Variants in ERCC6 observed in about 807,000 individuals in gnomAD.
ERCC6 encodes the protein ERCC excision repair 6, chromatin remodeling factor.
Under a neutral mutation model 158.7 loss-of-function variants are expected in ERCC6, and 116 were observed. The observed-to-expected ratio is 0.73, with a 90% CI of 0.63 to 0.85. ERCC6 has a LOEUF of 0.85. ERCC6 is among the 40% of genes least tolerant of loss of function. ERCC6 has a pLI of 0.00. For synonymous variants in ERCC6, 678 were observed against 659.3 expected (o/e 1.03, Z -0.43); for missense variants, 1,698 against 1,799.4 (o/e 0.94, Z 1.02).
intron 6 of ERCC6, chr10:49,503,399 A>T (rs1404613324): frequency 5.3e-5 from 8 of 152,050 alleles, no homozygotes; most frequent in Admixed American, 3.9e-4. Context: ...AAATGACATT[A>T]AAAAAAATCT....
At chr10:49,532,194 C>A (rs1409530951) in intron 2 of ERCC6, among the ~76,000 whole-genome samples, 1 of 152,122 alleles carries the variant, frequency 6.6e-6, no homozygotes, top group South Asian at 2.1e-4. Context: ...GTGAAGGGGG[C>A]GCAATGTATT....
At chr10:49,536,563 G>A (rs1358213642) in intron 1 of ERCC6, among the ~76,000 whole-genome samples, 1 of 152,224 alleles carries the variant, frequency 6.6e-6, no homozygotes, top group Non-Finnish European at 1.5e-5. Flanking sequence ...GGCAGTTCCT[G>A]AGTCAGGAGA....
chr10:49,500,107 T>C (rs1851332136), intron 7 of ERCC6, among the ~76,000 whole-genome samples: 1 of 152,228 alleles, frequency 6.6e-6, no homozygotes, highest in South Asian at 2.1e-4. Context: ...CTTACTGTAA[T>C]GCTCACCTGG....
chr10:49,489,585 T>C (rs1851136446), intron 8 of ERCC6, among the ~76,000 whole-genome samples: 1 of 152,190 alleles, frequency 6.6e-6, no homozygotes, highest in African/African-American at 2.4e-5. Context: ...CTCTTATGCA[T>C]CTACATGTCA....
At chr10:49,486,347 TACAA>T (rs1426379105) in intron 8 of ERCC6, among the ~76,000 whole-genome samples, 4 of 152,188 alleles carry the variant, frequency 2.6e-5, no homozygotes, top group Admixed American at 2.6e-4. Context: ...ATTCATTCTT[TACAA>T]ACACTCTATT....
In ERCC6 at chr10:49,457,618, TGA is replaced by T. The variant is rs1850504798; in HGVS notation, c.*1195_*1196del. On this transcript the variant is annotated 3_prime_UTR_variant, in exon 21 of 21. Coordinates refer to ENST00000355832, the MANE Select transcript of ERCC6 (RefSeq NM_000124.4). ...GGAGGGCAGGCATACTACAGAAAAA[TGA>T]GAGAGAGGAAAAGAGCATGCCAGAG... is the stretch of plus-strand genomic sequence containing the variant. 6.6e-6 allele frequency: 1 copy of T among 151,342 alleles called. No individual in the cohort carries two copies. Among genetic ancestry groups the T allele is most frequent in the Non-Finnish European group, 1.5e-5 (1 of 67,868 alleles). The allele number at this position is 151,342 out of a possible 1,614,324, so 9.4% of individuals were successfully genotyped here. A position where few individuals can be genotyped will look rare whatever the true frequency, so the allele number is the denominator to read the frequency against.
intron 18 of ERCC6, among the ~76,000 whole-genome samples, chr10:49,469,440 A>G (rs77275715): frequency 0.01 from 1,560 of 152,342 alleles, 57 homozygotes; most frequent in Admixed American, 0.085. Flanking sequence ...AAAAATGTTA[A>G]TAACTTAGAT....
rs146540023 is a variant in ERCC6 at position 49,470,473 on chromosome 10, C to A, written c.3487G>T (p.Ala1163Ser). ...LSYKRERPSQ[A>S]QTEAFWENKQ... Reference sequence around the variant, plus strand: ...TTCTCCCAAAAAGCTTCTGTTTGAGCCTGGCTGGGTCTTTCTCTTTTGTAA... The same window carrying A: ...TTCTCCCAAAAAGCTTCTGTTTGAGACTGGCTGGGTCTTTCTCTTTTGTAA... Residue 1163 changes from alanine to serine, a missense_variant, in exon 18 of 21, where the codon GCT becomes TCT. Coordinates refer to ENST00000355832, the MANE Select transcript of ERCC6 (RefSeq NM_000124.4). 7 of 1,614,118 alleles carry A rather than the reference C, an allele frequency of 4.3e-6. No individual in the cohort carries two copies. The East Asian group carries it at 1.1e-4, about 26-fold the overall frequency.
At position 49,524,250 on chromosome 10, in the gene ERCC6, C is replaced by T. The variant is rs1467128923; in HGVS notation, c.1180G>A (p.Asp394Asn). ...EDDEVEGAEA[D>N]LSGDGTDYEL... ...TAGTCAGTACCATCTCCAGACAGGTCCGCCTCTGCCCCCTCCACCTCGTCA... is the reference window on the plus strand; with the variant it reads ...TAGTCAGTACCATCTCCAGACAGGTTCGCCTCTGCCCCCTCCACCTCGTCA... The change falls in exon 5 of 21, where the codon GAC becomes AAC. Residue 394 changes from aspartate to asparagine, a missense_variant. Transcript: ENST00000355832. 2 of 1,614,110 alleles carry T rather than the reference C, an allele frequency of 1.2e-6. No homozygotes were observed. Among genetic ancestry groups the T allele is most frequent in the Non-Finnish European group, 8.5e-7 (1 of 1,180,032 alleles).
chr10:49,534,991 C>T (rs1349765225), intron 1 of ERCC6, among the ~76,000 whole-genome samples: 2 of 152,192 alleles, frequency 1.3e-5, no homozygotes, highest in African/African-American at 4.8e-5. Context: ...CAAGAGGTCA[C>T]ACGAGCATCG....
At chr10:49,436,777 A>T in the ERCC6 span, among the ~76,000 whole-genome samples, 3 of 152,246 alleles carry the variant, frequency 2.0e-5, no homozygotes, top group African/African-American at 7.2e-5. Context: ...GGCATATATC[A>T]AAGTGTTAAT....
At chr10:49,485,679 T>C (rs1456278665) in intron 8 of ERCC6, among the ~76,000 whole-genome samples, 1 of 152,210 alleles carries the variant, frequency 6.6e-6, no homozygotes, top group Non-Finnish European at 1.5e-5. Flanking sequence ...TATGTTAAAA[T>C]ACATTTGCCA....
At chr10:49,488,987 T>C (rs1381390632) in intron 8 of ERCC6, among the ~76,000 whole-genome samples, 1 of 152,272 alleles carries the variant, frequency 6.6e-6, no homozygotes, top group Non-Finnish European at 1.5e-5. Flanking sequence ...GGTTTCACCA[T>C]GTGGCCAGGA....
intron 18 of ERCC6, among the ~76,000 whole-genome samples, chr10:49,468,984 A>G (rs934642411): frequency 7.6e-3 from 16 of 2,118 alleles, no homozygotes; most frequent in African/African-American, 0.018. Flanking sequence ...ACAGTCATGG[A>G]AAAAAAAAGA....
At chr10:49,537,647 A>G (rs1837633856) in intron 1 of ERCC6, among the ~76,000 whole-genome samples, 1 of 152,210 alleles carries the variant, frequency 6.6e-6, no homozygotes, top group African/African-American at 2.4e-5. Context: ...GGCCTCTCTG[A>G]TAAAGTGACA....
At chr10:49,515,581 A>T in intron 5 of ERCC6, 1 of 1,614,116 alleles carries the variant, frequency 6.2e-7, no homozygotes, top group Non-Finnish European at 8.5e-7. Context: ...AACTCCAGAA[A>T]ATCCACTGGT....
At chr10:49,525,073 TATAA>T (rs1203069330) in intron 4 of ERCC6, 3 of 487,528 alleles carry the variant, frequency 6.2e-6, no homozygotes, top group Non-Finnish European at 1.0e-5. Flanking sequence ...TAAATACAGT[TATAA>T]ATAGTCAAGT....
chr10:49,493,939 G>A (rs947116901), intron 7 of ERCC6, among the ~76,000 whole-genome samples: 1 of 152,254 alleles, frequency 6.6e-6, no homozygotes, highest in African/African-American at 2.4e-5. Flanking sequence ...TGGCACTGCT[G>A]TGTGGGCAGG....
At chr10:49,525,047 T>A in intron 4 of ERCC6, 1 of 657,510 alleles carries the variant, frequency 1.5e-6, no homozygotes, top group Non-Finnish European at 2.4e-6. Context: ...CATCCAAAGA[T>A]AGGCTTATTA....
Sources: allele counts gnomAD v4.1 joint callset (sites outside exome capture counted in the v4.1 genomes callset), GRCh38; gene constraint gnomAD v4.1.1; transcripts MANE v1.5; gene names NCBI Gene and HGNC (gene_info 2026-07-23, HGNC 2026-07-21).